Variants in SDK1 observed in about 807,000 individuals in gnomAD.
SDK1 encodes the protein sidekick cell adhesion molecule 1.
SDK1 carries 157 observed loss-of-function variants against 245.5 expected under a neutral mutation model. That is an observed-to-expected ratio of 0.64 (90% CI 0.56 to 0.73). The LOEUF (loss-of-function observed/expected upper bound fraction) is 0.73, where lower values mean the gene tolerates loss of function less well. SDK1 is among the 30% of genes least tolerant of loss of function. The pLI is 0.00. For missense variants in SDK1, 3,583 were observed against 3,002.3 expected, an observed-to-expected ratio of 1.19 and a Z score of -4.52; for synonymous variants, 1,647 against 1,278.5, an observed-to-expected ratio of 1.29 and a Z score of -6.15.
intron 1 of SDK1, among the ~76,000 whole-genome samples, chr7:3,571,490 A>G (rs1419538828): frequency 6.6e-6 from 1 of 151,934 alleles, no homozygotes; most frequent in African/African-American, 2.4e-5. Flanking sequence ...TTTTTTGTAC[A>G]GACAGGGTCT....
chr7:3,384,690 A>T (rs952178512), intron 1 of SDK1, among the ~76,000 whole-genome samples: 8 of 152,224 alleles, frequency 5.3e-5, no homozygotes, highest in African/African-American at 1.9e-4. Context: ...GCGAATTTCC[A>T]GCATTCAAAT....
chr7:3,986,446 A>G (rs1783832082), intron 13 of SDK1, among the ~76,000 whole-genome samples: 1 of 152,182 alleles, frequency 6.6e-6, no homozygotes, highest in African/African-American at 2.4e-5. Context: ...ATAACTCTAA[A>G]TGGCTAGTGT....
intron 44 of SDK1, among the ~76,000 whole-genome samples, chr7:4,249,066 C>T (rs913029767): frequency 6.6e-6 from 1 of 151,906 alleles, no homozygotes; most frequent in African/African-American, 2.4e-5. Context: ...CAAACACATA[C>T]ACAGAGGTGG....
At position 4,266,785 on chromosome 7, in the gene SDK1, C is replaced by T. The variant is rs1468348194; in HGVS notation, c.*1401C>T. The T allele has an allele frequency of 1.1e-5, 11 of 985,352 alleles. No homozygotes were observed. In the South Asian group the frequency reaches 1.9e-4, roughly 17 times the overall value. 61.0% of individuals were successfully genotyped at this position (985,352 alleles called of 1,614,324 possible). On this transcript the variant is annotated 3_prime_UTR_variant, in exon 45 of 45. Coordinates refer to ENST00000404826, the MANE Select transcript of SDK1 (RefSeq NM_152744.4). ...CGGGAGCACTGCTGGTGCCCACTGG[C>T]GTGTGTGCCCCGGGTCCCTGTAAGT... is the stretch of plus-strand genomic sequence containing the variant.
At chr7:4,191,211 A>T (rs115333140) in intron 35 of SDK1, among the ~76,000 whole-genome samples, 1 of 149,738 alleles carries the variant, frequency 6.7e-6, no homozygotes. Flanking sequence ...CCCCCGCCGC[A>T]GTCACGGTGG....
rs1031347635 is a variant in SDK1, at chr7:3,987,333, A to G, written c.2131+11A>G. 1 of 1,613,076 alleles carries G rather than the reference A, an allele frequency of 6.2e-7. No homozygotes were observed. The highest frequency in any genetic ancestry group is 2.2e-5 in the East Asian group (1 of 44,880). On this transcript the variant is annotated intron_variant, in intron 14 of 44. Coordinates refer to ENST00000404826, the MANE Select transcript of SDK1 (RefSeq NM_152744.4). ...AGCTCTCTGAAAACAGTAAGTAGCA[A>G]AATGAAACTGTCACCATGGACGATA...
At chr7:3,970,151 A>G (rs988623926) in intron 11 of SDK1, among the ~76,000 whole-genome samples, 1 of 152,252 alleles carries the variant, frequency 6.6e-6, no homozygotes. Flanking sequence ...ATATTCAAAA[A>G]GCAAAAGAAT....
intron 25 of SDK1, among the ~76,000 whole-genome samples, chr7:4,124,593 C>T (rs1434569235): frequency 6.6e-6 from 1 of 152,206 alleles, no homozygotes; most frequent in African/African-American, 2.4e-5. Context: ...AATAAGGTCA[C>T]CTTCTGAGAT....
intron 25 of SDK1, among the ~76,000 whole-genome samples, chr7:4,126,025 T>C (rs1784372945): frequency 6.6e-6 from 1 of 152,172 alleles, no homozygotes; most frequent in Non-Finnish European, 1.5e-5. Context: ...AACAGTATCC[T>C]CCCAGAACCT....
At chr7:4,008,858 C>G (rs1312971466) in intron 14 of SDK1, among the ~76,000 whole-genome samples, 1 of 152,186 alleles carries the variant, frequency 6.6e-6, no homozygotes, top group Non-Finnish European at 1.5e-5. Flanking sequence ...GCTTTGAACC[C>G]AGGTATGCAC....
intron 1 of SDK1, among the ~76,000 whole-genome samples, chr7:3,317,786 A>G (rs1779699991): frequency 1.3e-5 from 2 of 152,146 alleles, no homozygotes; most frequent in Non-Finnish European, 2.9e-5. Flanking sequence ...TAAAATAAGT[A>G]TTTTGTTGTT....
At chr7:3,801,899 C>G (rs919750434) in intron 4 of SDK1, among the ~76,000 whole-genome samples, 3 of 152,240 alleles carry the variant, frequency 2.0e-5, no homozygotes, top group Non-Finnish European at 4.4e-5. Context: ...CCAGTGAGAA[C>G]TCTCTGCTGA....
chr7:3,606,564 T>C (rs997859137), intron 1 of SDK1, among the ~76,000 whole-genome samples: 1 of 152,220 alleles, frequency 6.6e-6, no homozygotes, highest in African/African-American at 2.4e-5. Flanking sequence ...GTGTCACTGC[T>C]GGTCTTAGAA....
At chr7:3,672,425 T>G (rs1243062259) in intron 4 of SDK1, among the ~76,000 whole-genome samples, 2 of 151,018 alleles carry the variant, frequency 1.3e-5, no homozygotes, top group African/African-American at 4.9e-5. Context: ...ATACTTCTAC[T>G]GCAAACTCTT....
intron 1 of SDK1, among the ~76,000 whole-genome samples, chr7:3,408,286 T>A (rs189455219): frequency 2.1e-4 from 32 of 152,132 alleles, no homozygotes; most frequent in South Asian, 1.2e-3. Context: ...TCAAGTGATA[T>A]GCCTGCTGTG....
chr7:3,972,635 T>G (rs1782576564), intron 12 of SDK1, among the ~76,000 whole-genome samples: 2 of 152,120 alleles, frequency 1.3e-5, no homozygotes, highest in Non-Finnish European at 2.9e-5. Flanking sequence ...AGTGCATGAG[T>G]CGAATGGGCA....
Position 3,600,586 on chromosome 7 carries a change from G to A in SDK1, c.299-18494G>A, listed in dbSNP as rs931020215. Among the ~76,000 whole-genome samples, 16 of 127,706 alleles carry A rather than the reference G, an allele frequency of 1.3e-4. 1 individual carries two copies. The highest frequency in any genetic ancestry group is 1.2e-3 in the Admixed American group (13 of 10,862). 83.8% of individuals were successfully genotyped at this position (127,706 alleles called of 152,430 possible). ...TTTTTTTTTTTTGAGATGGAGTCTCGCCCTGTTGCCTAGGCTGGAGTGCAG... is the reference window on the plus strand; with the variant it reads ...TTTTTTTTTTTTGAGATGGAGTCTCACCCTGTTGCCTAGGCTGGAGTGCAG... On this transcript the variant is annotated intron_variant, in intron 1 of 44. Coordinates refer to ENST00000404826, the MANE Select transcript of SDK1 (RefSeq NM_152744.4).
chr7:3,647,286 G>T (rs1210484104), intron 4 of SDK1, among the ~76,000 whole-genome samples: 1 of 152,070 alleles, frequency 6.6e-6, no homozygotes, highest in Non-Finnish European at 1.5e-5. Context: ...GATTTTAATT[G>T]TCTTTTTTTT....
At chr7:3,845,621 T>A (rs908723350) in intron 5 of SDK1, among the ~76,000 whole-genome samples, 1 of 150,870 alleles carries the variant, frequency 6.6e-6, no homozygotes, top group Non-Finnish European at 1.5e-5. Flanking sequence ...TAAAAGCCAC[T>A]CTTGGCTCAG....
Sources: allele counts gnomAD v4.1 joint callset (sites outside exome capture counted in the v4.1 genomes callset), GRCh38; gene constraint gnomAD v4.1.1; transcripts MANE v1.5; gene names NCBI Gene and HGNC (gene_info 2026-07-23, HGNC 2026-07-21).